PDE5A: variants seen among roughly 807,000 people sequenced by gnomAD.
PDE5A encodes the protein cGMP-specific 3',5'-cyclic phosphodiesterase.
Under a neutral mutation model 110.2 loss-of-function variants are expected in PDE5A, and 67 were observed. The observed-to-expected ratio is 0.61, with a 90% CI of 0.50 to 0.75. The LOEUF (loss-of-function observed/expected upper bound fraction) is 0.75. Ranked by LOEUF, PDE5A falls within the 30% of genes least tolerant of loss-of-function variation. The pLI, the probability that PDE5A is intolerant of heterozygous loss-of-function variation, is 0.00. For missense variants in PDE5A, 862 were observed against 1,045.1 expected (o/e 0.82, Z 2.42); for synonymous variants, 328 against 351.2 (o/e 0.93, Z 0.74).
intron 2 of PDE5A, among the ~76,000 whole-genome samples, chr4:119,603,726 A>G (rs1729426496): frequency 6.6e-6 from 1 of 152,184 alleles, no homozygotes; most frequent in African/African-American, 2.4e-5. Context: ...TTTAAAAAAA[A>G]TTCTCAGCAT....
chr4:119,502,612 C>T lies in PDE5A; in HGVS notation c.2375G>A (p.Arg792Lys), dbSNP rs967267680. The change falls in exon 19 of 21, where the codon AGA becomes AAA. Residue 792 changes from arginine to lysine, a missense_variant. Transcript: ENST00000354960. ...TTCTATGTTGAGTTCTTTTCTCTCT[C>T]TGTCTCCTTGATCAAAAAATTCAGT... ...VATEFFDQGD[R>K]ERKELNIEPT... 2 of 1,606,926 alleles carry T rather than the reference C, an allele frequency of 1.2e-6. No individual in the cohort carries two copies. Among genetic ancestry groups the T allele is most frequent in the Admixed American group, 1.7e-5 (1 of 59,922 alleles).
At chr4:119,527,521 T>A (rs1041194556) in intron 11 of PDE5A, among the ~76,000 whole-genome samples, 1 of 152,150 alleles carries the variant, frequency 6.6e-6, no homozygotes, top group African/African-American at 2.4e-5. Flanking sequence ...TAAAGGTGAT[T>A]TTAAGTAAAA....
chr4:119,557,260 A>G (rs1727576077), intron 7 of PDE5A, among the ~76,000 whole-genome samples: 1 of 152,150 alleles, frequency 6.6e-6, no homozygotes, highest in African/African-American at 2.4e-5. Context: ...ACTTCTGTAC[A>G]ACTTTCCTTC....
At chr4:119,544,002 G>C (rs1727043470) in intron 9 of PDE5A, among the ~76,000 whole-genome samples, 1 of 152,072 alleles carries the variant, frequency 6.6e-6, no homozygotes, top group Non-Finnish European at 1.5e-5. Context: ...CTAGCATATA[G>C]TAGGAACTAA....
chr4:119,575,598 T>A (rs1254469943), intron 3 of PDE5A, among the ~76,000 whole-genome samples: 1 of 151,988 alleles, frequency 6.6e-6, no homozygotes, highest in East Asian at 1.9e-4. Context: ...GCTTCATAAG[T>A]GAAGGAGAAA....
intron 15 of PDE5A, among the ~76,000 whole-genome samples, chr4:119,507,978 A>G (rs1234817756): frequency 6.6e-6 from 1 of 151,902 alleles, no homozygotes; most frequent in Non-Finnish European, 1.5e-5. Flanking sequence ...TTAAAATCTA[A>G]TAGCTATCCT....
intron 11 of PDE5A, among the ~76,000 whole-genome samples, chr4:119,538,304 C>T (rs1303394031): frequency 6.6e-6 from 1 of 152,130 alleles, no homozygotes; most frequent in Non-Finnish European, 1.5e-5. Context: ...TCATTCCTTA[C>T]ATAACTGTTG....
chr4:119,574,344 C>T (rs757421200), intron 3 of PDE5A, among the ~76,000 whole-genome samples: 14 of 133,696 alleles, frequency 1.0e-4, no homozygotes, highest in South Asian at 2.8e-4. Context: ...CACCACGCCC[C>T]GGCTAATTTT....
At chr4:119,626,852 C>A (rs997492635) in intron 1 of PDE5A, among the ~76,000 whole-genome samples, 1 of 152,056 alleles carries the variant, frequency 6.6e-6, no homozygotes, top group Admixed American at 6.5e-5. Context: ...AATCCCGGAG[C>A]CTTCCCCTCT....
intron 1 of PDE5A, among the ~76,000 whole-genome samples, chr4:119,609,271 G>A (rs976214583): frequency 3.9e-5 from 6 of 152,182 alleles, no homozygotes; most frequent in African/African-American, 1.2e-4. Flanking sequence ...GGTATTTACT[G>A]TATATAGTAA....
intron 12 of PDE5A, among the ~76,000 whole-genome samples, chr4:119,522,997 C>G (rs1726184649): frequency 6.6e-6 from 1 of 151,562 alleles, no homozygotes; most frequent in Non-Finnish European, 1.5e-5. Flanking sequence ...CTTCAAGAAA[C>G]TCAATCAGTA....
chr4:119,561,971 G>T (rs1727758692), intron 6 of PDE5A, among the ~76,000 whole-genome samples: 1 of 152,118 alleles, frequency 6.6e-6, no homozygotes, highest in South Asian at 2.1e-4. Context: ...GATATCATAT[G>T]TAGATTATAA....
At position 119,505,865 on chromosome 4, in the gene PDE5A, C is replaced by T. The variant is rs1725533492; in HGVS notation, c.2257G>A (p.Glu753Lys). 6 of 1,559,292 alleles carry T rather than the reference C, an allele frequency of 3.8e-6. No homozygotes were observed. Reference protein sequence around the residue: ...QFNLEDPHQKELFLAMLMTAC... With the variant: ...QFNLEDPHQKKLFLAMLMTAC... Reference sequence around the variant, plus strand: ...AGTAAACCTACTTACAAAAACAACTCCTTTTGATGAGGATCTTCCAAATTG... The same window carrying T: ...AGTAAACCTACTTACAAAAACAACTTCTTTTGATGAGGATCTTCCAAATTG... The change falls in exon 17 of 21, where the codon GAG (glutamate) becomes AAG (lysine). Residue 753 changes from glutamate to lysine, a missense_variant. Glu to Lys is a moderately conservative substitution (Grantham distance 56, BLOSUM62 1). Transcript: ENST00000354960.
chr4:119,531,629 A>C (rs987182485), intron 11 of PDE5A, among the ~76,000 whole-genome samples: 3 of 152,100 alleles, frequency 2.0e-5, no homozygotes, highest in African/African-American at 4.8e-5. Context: ...TCGCTAGTGC[A>C]AAAAGGCTTG....
chr4:119,593,254 C>T (rs1041662208), intron 3 of PDE5A, among the ~76,000 whole-genome samples: 1 of 152,172 alleles, frequency 6.6e-6, no homozygotes, highest in African/African-American at 2.4e-5. Context: ...AAGCATAAGT[C>T]CACACAAAGG....
intron 3 of PDE5A, among the ~76,000 whole-genome samples, chr4:119,575,519 G>A (rs982662120): frequency 3.9e-5 from 6 of 152,174 alleles, no homozygotes; most frequent in African/African-American, 1.2e-4. Context: ...TGAAGAGAGT[G>A]GGGGCCAATA....
intron 7 of PDE5A, among the ~76,000 whole-genome samples, chr4:119,558,358 G>A (rs1328043722): frequency 6.6e-6 from 1 of 152,132 alleles, no homozygotes; most frequent in Non-Finnish European, 1.5e-5. Flanking sequence ...AATCTCGAAT[G>A]AGCTATACTT....
chr4:119,596,336 C>T (rs2389869), intron 3 of PDE5A, among the ~76,000 whole-genome samples, 187 bp downstream of exon 3: 117,774 of 151,820 alleles, frequency 0.78, 45,823 homozygotes, highest in East Asian at 0.89. Context: ...CATAGTAAAG[C>T]AATTATCAGA....
chr4:119,559,284 A>C (rs531868395), intron 7 of PDE5A, among the ~76,000 whole-genome samples: 1 of 152,320 alleles, frequency 6.6e-6, no homozygotes, highest in African/African-American at 2.4e-5. Flanking sequence ...TACTGCTAAA[A>C]GAAATTAGAG....
Sources: gnomAD v4.1 joint callset for allele counts (sites outside exome capture counted in the v4.1 genomes callset) on GRCh38, gnomAD v4.1.1 for gene constraint, MANE v1.5 for transcripts, NCBI Gene and HGNC (gene_info 2026-07-23, HGNC 2026-07-21) for gene names.